NCOA3: variants seen among roughly 807,000 people sequenced by gnomAD.
NCOA3 encodes CBP-interacting protein.
A neutral mutation model predicts 158.8 loss-of-function variants in NCOA3; 51 were observed. The ratio of observed to expected loss-of-function variants is 0.32; its 90% confidence interval spans 0.26 to 0.41. The LOEUF (loss-of-function observed/expected upper bound fraction) is 0.41, where lower values mean the gene tolerates loss of function less well. NCOA3 is among the 10% of genes least tolerant of loss of function. The probability of loss-of-function intolerance (pLI) is 1.00; values close to 1 mark genes in which losing one functional copy is unlikely to be tolerated. For missense variants in NCOA3, 1,510 were observed against 1,746.6 expected, an observed-to-expected ratio of 0.86 and a Z score of 2.41; for synonymous variants, 537 against 592.4, an observed-to-expected ratio of 0.91 and a Z score of 1.36.
intron 8 of NCOA3, among the ~76,000 whole-genome samples, 191 bp from the exon 9 acceptor site, chr20:47,633,305 A>G (rs1311706662): frequency 6.6e-6 from 1 of 152,222 alleles, no homozygotes; most frequent in Admixed American, 6.5e-5. Flanking sequence ...TTAGCAGAAC[A>G]TGTAGGGAGA....
chr20:47,534,116 C>CGGGGGGGGG (rs1437814612), intron 1 of NCOA3, among the ~76,000 whole-genome samples: 1 of 57,536 alleles, frequency 1.7e-5, no homozygotes, highest in Non-Finnish European at 4.0e-5. Flanking sequence ...GTGGGGGGGG[C>CGGGGGGGGG]GGGGGGTGAA....
In NCOA3 at chr20:47,656,589, ACT is replaced by A. The variant is rs1377713817; in HGVS notation, c.*3173_*3174del. 1.3e-5 allele frequency: 2 copies of A among 152,660 alleles called. No individual in the cohort carries two copies. Among genetic ancestry groups the A allele is most frequent in the Non-Finnish European group, 1.5e-5 (1 of 68,044 alleles). 9.5% of individuals were successfully genotyped at this position (152,660 alleles called of 1,614,324 possible). On this transcript the variant is annotated 3_prime_UTR_variant, in exon 23 of 23. Transcript: ENST00000371998. ...TTTATTGTTTTCAACTCCAAGGCAC[ACT>A]GTTAATAAACGAGCAGGGTGTTTTC...
chr20:47,641,029 A>G (rs143758079), intron 16 of NCOA3, among the ~76,000 whole-genome samples: 4 of 152,356 alleles, frequency 2.6e-5, no homozygotes, highest in African/African-American at 4.8e-5. Context: ...GAACTGATCT[A>G]TTGAGCAGAC....
At chr20:47,608,832 C>G (rs983792248) in intron 2 of NCOA3, among the ~76,000 whole-genome samples, 1 of 152,090 alleles carries the variant, frequency 6.6e-6, no homozygotes, top group African/African-American at 2.4e-5. Context: ...TTAAACCTTT[C>G]ACCTTGTTGT....
In NCOA3 at chr20:47,544,481, T is replaced by A. The variant is rs1481271845; in HGVS notation, c.-98-38702T>A. Among the ~76,000 whole-genome samples, 5 of 152,108 alleles carry A rather than the reference T, an allele frequency of 3.3e-5. No individual in the cohort carries two copies. The East Asian group carries it at 7.7e-4, about 23-fold the overall frequency. On this transcript the variant is annotated intron_variant, in intron 1 of 22. Transcript: ENST00000371998. ...ATGTGTCAGCATGCCTGACTAATTGTTGTGGGTATTTAAAAAAATTTATGA... is the reference window on the plus strand; with the variant it reads ...ATGTGTCAGCATGCCTGACTAATTGATGTGGGTATTTAAAAAAATTTATGA...
intron 1 of NCOA3, among the ~76,000 whole-genome samples, chr20:47,523,396 C>T (rs1184516128): frequency 2.6e-5 from 4 of 152,076 alleles, no homozygotes; most frequent in African/African-American, 4.8e-5. Context: ...CTGGCCTGTC[C>T]ATGTGTGGTT....
At chr20:47,542,150 C>A (rs1366798588) in intron 1 of NCOA3, among the ~76,000 whole-genome samples, 2 of 151,214 alleles carry the variant, frequency 1.3e-5, no homozygotes, top group African/African-American at 4.9e-5. Flanking sequence ...CCCACCTCAG[C>A]CTCCCAAGTA....
Position 47,653,026 on chromosome 20 carries a change from A to T in NCOA3, c.4217A>T (p.Asn1406Ile). ...NGSSGHMGQM[N>I]MNPMPMSGMP... ...AGCAGTGGTCACATGGGACAGATGA[A>T]CATGAACCCCATGCCCATGTCTGGC... Residue 1406 changes from asparagine (N) to isoleucine (I), a missense_variant, in exon 22 of 23, where the codon AAC becomes ATC. Asn to Ile is a moderately radical substitution (Grantham distance 149). Transcript: ENST00000371998. 6.2e-7 allele frequency: 1 copy of T among 1,614,240 alleles called. No homozygotes were observed. The highest frequency in any genetic ancestry group is 1.1e-5 in the South Asian group (1 of 91,088).
chr20:47,623,149 A>T (rs371977728), intron 3 of NCOA3: 18 of 152,364 alleles, frequency 1.2e-4, no homozygotes, highest in African/African-American at 4.1e-4. Context: ...TGTAATCTAT[A>T]TAACACTACT....
intron 1 of NCOA3, among the ~76,000 whole-genome samples, chr20:47,512,190 AACAAAATATAAAC>A (rs1194438562): frequency 6.6e-6 from 1 of 150,924 alleles, no homozygotes; most frequent in Non-Finnish European, 1.5e-5. Flanking sequence ...TTTTACAAAA[AACAAAATATAAAC>A]ACAAAAAAAG....
chr20:47,504,294 T>C (rs2083988384), intron 1 of NCOA3, among the ~76,000 whole-genome samples: 1 of 152,122 alleles, frequency 6.6e-6, no homozygotes, highest in Non-Finnish European at 1.5e-5. Flanking sequence ...GCCACGCACC[T>C]CCCGAGCAAA....
At chr20:47,600,824 A>C (rs555019951) in intron 2 of NCOA3, among the ~76,000 whole-genome samples, 92 of 152,012 alleles carry the variant, frequency 6.1e-4, no homozygotes, top group African/African-American at 2.2e-3. Flanking sequence ...CAAAAAAAAA[A>C]AAAAAAAAAG....
intron 17 of NCOA3, among the ~76,000 whole-genome samples, chr20:47,645,793 C>T (rs2086677242): frequency 6.6e-6 from 1 of 152,064 alleles, no homozygotes; most frequent in Non-Finnish European, 1.5e-5. Context: ...TCACATGAAC[C>T]CAAGTTGATG....
chr20:47,524,136 C>A (rs963366337), intron 1 of NCOA3, among the ~76,000 whole-genome samples: 1 of 152,210 alleles, frequency 6.6e-6, no homozygotes, highest in Non-Finnish European at 1.5e-5. Context: ...CTGTTAAAAG[C>A]AGAAACTTCC....
At position 47,636,641 on chromosome 20, in the gene NCOA3, C is replaced by A; in HGVS notation, c.2255C>A (p.Ser752Tyr). ...AGGGATGATCCTAGTGATGCACTCT[C>A]TAAAGAACTACAGCCCCAAGTGGAA... is the stretch of plus-strand genomic sequence containing the variant. Reference protein sequence around the residue: ...LDRDDPSDALSKELQPQVEGV... With the variant: ...LDRDDPSDALYKELQPQVEGV... The change falls in exon 12 of 23, where the codon TCT becomes TAT. Residue 752 changes from serine (S) to tyrosine (Y), a missense_variant. Around this residue, in one of 4 missense-constraint regions of NCOA3, gnomAD observed 1,017 missense variants for 1,098.3 expected, o/e 0.93. Transcript: ENST00000371998. 2 of 1,614,170 alleles carry A rather than the reference C, an allele frequency of 1.2e-6. No individual in the cohort carries two copies. Among genetic ancestry groups the A allele is most frequent in the Non-Finnish European group, 1.7e-6 (2 of 1,180,030 alleles).
In NCOA3 at chr20:47,558,232, ATTTTTTTTTTTT is replaced by A. The variant is rs71183263; in HGVS notation, c.-98-24933_-98-24922del. Among the ~76,000 whole-genome samples the A allele has an allele frequency of 1.7e-3, 94 of 55,532 alleles. 1 individual carries two copies. The East Asian group carries it at 0.041, about 24-fold the overall frequency. 36.4% of individuals were successfully genotyped at this position (55,532 alleles called of 152,430 possible). A position where few individuals can be genotyped will look rare whatever the true frequency, so the allele number is the denominator to read the frequency against. ...CACCTCCACGCCCAGCTAATTTTGT[ATTTTTTTTTTTT>A]TTTTTTTTTTTTTTTTTAGTAGAGA... On this transcript the variant is annotated intron_variant, in intron 1 of 22. Coordinates refer to ENST00000371998, the MANE Select transcript of NCOA3 (RefSeq NM_181659.3).
intron 1 of NCOA3, among the ~76,000 whole-genome samples, chr20:47,540,583 A>G (rs2084708001): frequency 6.6e-6 from 1 of 152,104 alleles, no homozygotes; most frequent in Non-Finnish European, 1.5e-5. Context: ...CAAAAAAAAA[A>G]AAAAAATTCA....
intron 1 of NCOA3, among the ~76,000 whole-genome samples, chr20:47,566,505 T>C (rs566281124): frequency 1.1e-4 from 16 of 151,982 alleles, no homozygotes; most frequent in Admixed American, 5.2e-4. Flanking sequence ...CCCCCTTATC[T>C]ATATCACCTT....
At chr20:47,513,909 C>T (rs2084188225) in intron 1 of NCOA3, among the ~76,000 whole-genome samples, 1 of 151,830 alleles carries the variant, frequency 6.6e-6, no homozygotes, top group Non-Finnish European at 1.5e-5. Context: ...ATATATTATA[C>T]ATCAATTTAA....
Sources: allele counts gnomAD v4.1 joint callset (sites outside exome capture counted in the v4.1 genomes callset), GRCh38; gene constraint gnomAD v4.1.1; regional missense constraint gnomAD v4.1.1; transcripts MANE v1.5; gene names NCBI Gene and HGNC (gene_info 2026-07-23, HGNC 2026-07-21).